The following WFDC5 variants were observed in gnomAD, a reference collection of about 807,000 sequenced individuals.
WFDC5 encodes WAP four-disulfide core domain protein 5.
Under a neutral mutation model 15.7 loss-of-function variants are expected in WFDC5, and 15 were observed. The ratio of observed to expected loss-of-function variants is 0.96; its 90% CI spans 0.64 to 1.47. The LOEUF is 1.47. Ranked by LOEUF, WFDC5 falls within the 40% of genes most tolerant of loss-of-function variation. WFDC5 has a pLI of 0.00. For synonymous variants in WFDC5, 109 were observed against 107.7 expected, an observed-to-expected ratio of 1.01 and a Z score of -0.07; for missense variants, 280 against 258.0, an observed-to-expected ratio of 1.09 and a Z score of -0.59.
intron 1 of WFDC5, among the ~76,000 whole-genome samples, chr20:45,111,337 G>A (rs529924920): frequency 7.4e-5 from 10 of 134,336 alleles, no homozygotes; most frequent in African/African-American, 2.9e-4. Context: ...AGTTTGTGAT[G>A]CTGCATCTGT....
upstream of WFDC5, chr20:45,115,244 C>T: frequency 1.6e-6 from 1 of 608,610 alleles, no homozygotes; most frequent in Non-Finnish European, 2.9e-6. Flanking sequence ...GGACTCAGTG[C>T]AAGGGATGCT....
At chr20:45,114,902 C>CA in intron 1 of WFDC5, 97 bp downstream of exon 1, 1 of 1,324,354 alleles carries the variant, frequency 7.6e-7, no homozygotes, top group Non-Finnish European at 1.1e-6. Flanking sequence ...CGCACACACA[C>CA]CCCACAGGGC....
chr20:45,112,465 G>A (rs1306403408), intron 1 of WFDC5, among the ~76,000 whole-genome samples: 2 of 152,142 alleles, frequency 1.3e-5, no homozygotes, highest in African/African-American at 2.4e-5. Flanking sequence ...GTGCAGAGCC[G>A]GCGTGAGAGG....
chr20:45,110,861 C>A, intron 1 of WFDC5, 86 bp from the exon 2 acceptor site: 1 of 1,551,948 alleles, frequency 6.4e-7, no homozygotes, highest in Admixed American at 1.8e-5. Flanking sequence ...AGACTGAATT[C>A]TCCATCCCTT....
At position 45,109,972 on chromosome 20, in the gene WFDC5, C is replaced by T. The variant is rs778921578; in HGVS notation, c.435G>A (p.Trp145Ter). Reference sequence around the variant, plus strand: ...CATCGTGAACTCTTTCCGTTGGTCCCCAGCTTAGGTGCAGAGCCACAGATC... The same window carrying T: ...CATCGTGAACTCTTTCCGTTGGTCCTCAGCTTAGGTGCAGAGCCACAGATC... The change falls in exon 4 of 4, where the codon TGG becomes TGA. Residue 145 changes from tryptophan to a stop codon, truncating the protein, a stop_gained. Coordinates refer to ENST00000307971, the Ensembl canonical transcript of WFDC5. LOFTEE classifies it low-confidence loss of function (END_TRUNC). The T allele has an allele frequency of 1.9e-6, 3 of 1,614,150 alleles. No homozygotes were observed. The Admixed American group carries it at 5.0e-5, about 27-fold the overall frequency.
At chr20:45,110,470 G>T (rs1207489974) in exon 3 of WFDC5, 2 of 1,613,988 alleles carry the variant, frequency 1.2e-6, no homozygotes, top group Non-Finnish European at 1.7e-6. Context: ...AGCAGTCTGA[G>T]TCCTTGTGAC....
chr20:45,110,447 C>T lies in WFDC5; in HGVS notation c.320G>A (p.Arg107Gln), dbSNP rs775000557. 39 of 1,613,248 alleles carry T rather than the reference C, an allele frequency of 2.4e-5. No individual in the cohort carries two copies. In the Admixed American group the frequency reaches 3.0e-4, roughly 12 times the overall value. The change falls in exon 3 of 4, where the codon CGA (arginine) becomes CAA (glutamine). Residue 107 changes from arginine to glutamine, a missense_variant. Arg to Gln is a conservative substitution (Grantham distance 43, BLOSUM62 1). Transcript: ENST00000307971. ...CCGCCCGCAGGCGCTGTGGCAGCAT[C>T]GCTTTTTGCCCGAGCAGTCTGAGTC...
rs766682162 is a variant in WFDC5, at chr20:45,114,981, G to C, written c.85+18C>G. 5.5e-5 allele frequency: 89 copies of C among 1,612,420 alleles called. No homozygotes were observed. The Admixed American group carries it at 1.5e-3, about 27-fold the overall frequency. On this transcript the variant is annotated intron_variant, in intron 1 of 3. Coordinates refer to ENST00000307971, the Ensembl canonical transcript of WFDC5. ...GAGACAATCTGGTCCCCCCAGCAGA[G>C]GGATTTCCCGCACTCACCTCCCTTC...
exon 4 of WFDC5, chr20:45,109,799 G>A (rs767845376): frequency 2.3e-5 from 17 of 748,256 alleles, no homozygotes; most frequent in Middle Eastern, 2.2e-4. Context: ...GCCTTCCTCC[G>A]AGCTCAGGCT....
exon 2 of WFDC5, chr20:45,110,702 G>A: frequency 6.2e-7 from 1 of 1,614,192 alleles, no homozygotes; most frequent in Non-Finnish European, 8.5e-7. Context: ...AGGGACACTG[G>A]CTGTCTTCCA....
upstream of WFDC5, among the ~76,000 whole-genome samples, chr20:45,115,837 C>T (rs1600612210): frequency 6.6e-6 from 1 of 152,182 alleles, no homozygotes; most frequent in Admixed American, 6.5e-5. Flanking sequence ...AATGTCATCT[C>T]ATCCAGGGAC....
At chr20:45,112,459 A>C (rs995077251) in intron 1 of WFDC5, among the ~76,000 whole-genome samples, 13 of 152,152 alleles carry the variant, frequency 8.5e-5, no homozygotes, top group Non-Finnish European at 1.5e-5. Flanking sequence ...TGGCGTGTGC[A>C]GAGCCGGCGT....
intron 3 of WFDC5, 117 bp from the exon 4 acceptor site, chr20:45,110,130 C>T (rs1981569748): frequency 7.0e-7 from 1 of 1,421,578 alleles, no homozygotes; most frequent in Admixed American, 2.3e-5. Flanking sequence ...GGCAGGATTC[C>T]TCTGCCCCCT....
At chr20:45,112,263 G>C (rs1002906666) in intron 1 of WFDC5, among the ~76,000 whole-genome samples, 4 of 152,172 alleles carry the variant, frequency 2.6e-5, no homozygotes, top group African/African-American at 9.7e-5. Flanking sequence ...GGCCTCAAAG[G>C]GTGGGCCAAA....
chr20:45,115,191 C>T, upstream of WFDC5: 1 of 1,029,786 alleles, frequency 9.7e-7, no homozygotes, highest in Non-Finnish European at 1.4e-6. Context: ...TGTGGAGTGA[C>T]ACCGTGCCTG....
intron 1 of WFDC5, 86 bp from the exon 2 acceptor site, chr20:45,110,861 C>G: frequency 1.3e-6 from 2 of 1,551,952 alleles, no homozygotes; most frequent in South Asian, 2.3e-5. Flanking sequence ...AGACTGAATT[C>G]TCCATCCCTT....
upstream of WFDC5, chr20:45,115,315 C>T (rs1981734495): frequency 3.8e-6 from 2 of 532,778 alleles, no homozygotes; most frequent in Non-Finnish European, 6.7e-6. Context: ...CAGATCCAGT[C>T]TTGCCTGTAT....
Position 45,110,773 on chromosome 20 carries a change from T to A in WFDC5, c.88A>T (p.Lys30Ter). ...TCATCTGGCGGGCAGCCCCCCGATT[T>A]CTCTGTAAGAGAATCTCCTAATATT... The change falls in exon 2 of 4, where the codon AAA (lysine) becomes TAA (stop). Residue 30 changes from lysine to a stop codon, truncating the protein, a stop_gained and splice_region_variant. Coordinates refer to ENST00000307971, the Ensembl canonical transcript of WFDC5. LOFTEE classifies it high-confidence loss of function. 3 of 1,613,942 alleles carry A rather than the reference T, an allele frequency of 1.9e-6. No individual in the cohort carries two copies. Among genetic ancestry groups the A allele is most frequent in the Non-Finnish European group, 1.7e-6 (2 of 1,180,024 alleles).
chr20:45,110,738 G>A, exon 2 of WFDC5: 2 of 1,614,132 alleles, frequency 1.2e-6, no homozygotes, highest in South Asian at 2.2e-5. Flanking sequence ...CCGATAGGAG[G>A]CAGGGCCCAT....
Sources: gnomAD v4.1 joint callset for allele counts (sites outside exome capture counted in the v4.1 genomes callset) on GRCh38, gnomAD v4.1.1 for gene constraint, MANE v1.5 for transcripts, NCBI Gene and HGNC (gene_info 2026-07-23, HGNC 2026-07-21) for gene names.